SEMA6D: variants seen among roughly 807,000 people sequenced by gnomAD.
SEMA6D encodes the protein semaphorin 6D.
In SEMA6D, 35 loss-of-function variants were observed where a neutral mutation model predicts 106.6. The ratio of observed to expected loss-of-function variants is 0.33; its 90% CI spans 0.25 to 0.44. The LOEUF (loss-of-function observed/expected upper bound fraction) is 0.44. Among genes scored for constraint, SEMA6D ranks in the 20% least tolerant of loss-of-function variants. The probability of loss-of-function intolerance (pLI) is 1.00; values close to 1 mark genes in which losing one functional copy is unlikely to be tolerated. For missense variants in SEMA6D, 1,185 were observed against 1,345.9 expected (o/e 0.88, Z 1.87); for synonymous variants, 499 against 487.7 (o/e 1.02, Z -0.31).
intron 1 of SEMA6D, among the ~76,000 whole-genome samples, chr15:47,319,735 C>T (rs1360675401): frequency 7.2e-5 from 11 of 152,004 alleles, no homozygotes; most frequent in Admixed American, 7.2e-4. Flanking sequence ...AAATGGTTCC[C>T]TTTCTCGTCT....
intron 3 of SEMA6D, among the ~76,000 whole-genome samples, chr15:47,514,383 G>C (rs1332304511): frequency 2.0e-5 from 3 of 152,072 alleles, no homozygotes; most frequent in Non-Finnish European, 4.4e-5. Context: ...CTCCAGTTCA[G>C]CTCTCTCTTC....
At chr15:47,592,565 A>T (rs2076459081) in intron 3 of SEMA6D, among the ~76,000 whole-genome samples, 1 of 152,180 alleles carries the variant, frequency 6.6e-6, no homozygotes, top group Non-Finnish European at 1.5e-5. Flanking sequence ...TTCTGTGATT[A>T]GTCATTTAAC....
chr15:47,264,779 C>T (rs1052810172), intron 1 of SEMA6D, among the ~76,000 whole-genome samples: 1 of 151,880 alleles, frequency 6.6e-6, no homozygotes, highest in Non-Finnish European at 1.5e-5. Context: ...AAGTTCTCTT[C>T]TATTCCTAGT....
intron 4 of SEMA6D, among the ~76,000 whole-genome samples, chr15:47,658,777 G>A (rs118070184): frequency 0.01 from 1,545 of 152,112 alleles, 17 homozygotes; most frequent in South Asian, 0.045. Context: ...ATTATATTAA[G>A]CAAATTATAT....
chr15:47,764,646 G>C lies in SEMA6D; in HGVS notation c.1106G>C (p.Cys369Ser), dbSNP rs758814807. ...EDKVPKPRPG[C>S]CAKHGLAEAY... ...CGCTGTTTTCCTTTCAGGCCTGGCTGTTGTGCAAAACACGGCCTTGCCGAA... is the reference window on the plus strand; with the variant it reads ...CGCTGTTTTCCTTTCAGGCCTGGCTCTTGTGCAAAACACGGCCTTGCCGAA... Residue 369 changes from cysteine to serine, a missense_variant, in exon 12 of 19, where the codon TGT (cysteine) becomes TCT (serine). Transcript: ENST00000536845. The C allele has an allele frequency of 6.2e-7, 1 of 1,613,982 alleles. No individual in the cohort carries two copies. Among genetic ancestry groups the C allele is most frequent in the South Asian group, 1.1e-5 (1 of 91,086 alleles).
chr15:47,515,488 G>A (rs1350822863), intron 3 of SEMA6D, among the ~76,000 whole-genome samples: 1 of 152,138 alleles, frequency 6.6e-6, no homozygotes, highest in Non-Finnish European at 1.5e-5. Context: ...ACAAATACTT[G>A]AATAAATTGA....
chr15:47,761,242 C>A lies in SEMA6D; in HGVS notation c.345+22C>A. The A allele has an allele frequency of 6.2e-7, 1 of 1,613,110 alleles. No individual in the cohort carries two copies. Among genetic ancestry groups the A allele is most frequent in the African/African-American group, 1.3e-5 (1 of 75,014 alleles). ...TAAAGTGAGTGAAACAGAAAAATGT[C>A]TGCTAGATTTAGTCTTTCTGTGGGC... On this transcript the variant is annotated intron_variant, in intron 5 of 18. Transcript: ENST00000536845.
At chr15:47,646,501 C>T (rs2077585384) in intron 4 of SEMA6D, among the ~76,000 whole-genome samples, 1 of 152,126 alleles carries the variant, frequency 6.6e-6, no homozygotes, top group Admixed American at 6.5e-5. Context: ...GAGAAAATCT[C>T]CTGATGGCAT....
chr15:47,416,007 G>C (rs2040954837), intron 2 of SEMA6D, among the ~76,000 whole-genome samples: 1 of 152,154 alleles, frequency 6.6e-6, no homozygotes, highest in African/African-American at 2.4e-5. Context: ...CAGAGTGCTA[G>C]AGAAGAACGT....
At chr15:47,506,104 T>G (rs1311304234) in intron 3 of SEMA6D, among the ~76,000 whole-genome samples, 1 of 152,170 alleles carries the variant, frequency 6.6e-6, no homozygotes, top group Admixed American at 6.5e-5. Context: ...ATCTCACCCC[T>G]CTTCTCATTG....
Position 47,760,285 on chromosome 15 carries a change from A to G in SEMA6D, c.110-19A>G. The G allele has an allele frequency of 6.4e-7, 1 of 1,561,986 alleles. No homozygotes were observed. Among genetic ancestry groups the G allele is most frequent in the Non-Finnish European group, 8.8e-7 (1 of 1,133,076 alleles). On this transcript the variant is annotated intron_variant, in intron 2 of 18. Transcript: ENST00000536845. ...GCTCCATAATCCTGAATGATGGTTT[A>G]GCCCATTTTTACTTGCAGATTCAAG...
chr15:47,737,314 A>G (rs967816111), intron 1 of SEMA6D, among the ~76,000 whole-genome samples: 2 of 150,384 alleles, frequency 1.3e-5, no homozygotes, highest in African/African-American at 5.0e-5. Flanking sequence ...GAACAGACAG[A>G]CAATAACTGT....
chr15:47,739,380 C>T (rs781207055), intron 1 of SEMA6D, among the ~76,000 whole-genome samples: 2 of 152,154 alleles, frequency 1.3e-5, no homozygotes, highest in African/African-American at 2.4e-5. Flanking sequence ...ACAAAGAATT[C>T]GGCCAGGTGC....
chr15:47,317,417 A>C (rs2036726121), intron 1 of SEMA6D, among the ~76,000 whole-genome samples: 1 of 152,184 alleles, frequency 6.6e-6, no homozygotes, highest in Non-Finnish European at 1.5e-5. Flanking sequence ...TAAGAAAAAT[A>C]ATGTTTTTAA....
At chr15:47,571,426 A>G (rs2046379249) in intron 3 of SEMA6D, among the ~76,000 whole-genome samples, 1 of 152,248 alleles carries the variant, frequency 6.6e-6, no homozygotes, top group Non-Finnish European at 1.5e-5. Context: ...TGATTAGAGC[A>G]TTCTTGAGTC....
chr15:47,676,578 A>C (rs531117808), intron 4 of SEMA6D, among the ~76,000 whole-genome samples: 19 of 152,330 alleles, frequency 1.2e-4, no homozygotes, highest in Middle Eastern at 3.4e-3. Flanking sequence ...TTCTGACATT[A>C]AATTGTTCCT....
chr15:47,739,166 C>T (rs1045459868), intron 1 of SEMA6D, among the ~76,000 whole-genome samples: 1 of 152,150 alleles, frequency 6.6e-6, no homozygotes, highest in African/African-American at 2.4e-5. Flanking sequence ...TATATACACC[C>T]ACTTCTGAAT....
intron 1 of SEMA6D, among the ~76,000 whole-genome samples, chr15:47,353,058 G>A (rs2038389869): frequency 8.5e-6 from 1 of 118,092 alleles, no homozygotes; most frequent in South Asian, 3.2e-4. Flanking sequence ...TCAAATGGTA[G>A]TTTATTTTGT....
intron 3 of SEMA6D, among the ~76,000 whole-genome samples, chr15:47,560,887 C>G (rs2142674125): frequency 6.6e-6 from 1 of 152,022 alleles, no homozygotes; most frequent in Non-Finnish European, 1.5e-5. Context: ...CTAACAGAAG[C>G]CAGGGAAGGG....
Sources: gnomAD v4.1 joint callset for allele counts (sites outside exome capture counted in the v4.1 genomes callset) on GRCh38, gnomAD v4.1.1 for gene constraint, MANE v1.5 for transcripts, NCBI Gene and HGNC (gene_info 2026-07-23, HGNC 2026-07-21) for gene names.